DNAH10: variants seen among roughly 807,000 people sequenced by gnomAD.
DNAH10 encodes the protein dynein axonemal heavy chain 10.
DNAH10 carries 348 observed loss-of-function variants against 506.6 expected under a neutral mutation model. The observed-to-expected ratio is 0.69, with a 90% CI of 0.63 to 0.75. The LOEUF (loss-of-function observed/expected upper bound fraction) is 0.75, where lower values mean the gene tolerates loss of function less well. Among genes scored for constraint, DNAH10 ranks in the 30% least tolerant of loss-of-function variants. DNAH10 has a pLI of 0.00. For synonymous variants in DNAH10, 2,059 were observed against 2,198.6 expected, an observed-to-expected ratio of 0.94 and a Z score of 1.78; for missense variants, 5,179 against 5,787.1, an observed-to-expected ratio of 0.89 and a Z score of 3.41.
At chr12:123,878,508 A>G (rs1489234495) in intron 48 of DNAH10, among the ~76,000 whole-genome samples, 1 of 152,116 alleles carries the variant, frequency 6.6e-6, no homozygotes, top group Non-Finnish European at 1.5e-5. Context: ...CGGTCAGGAG[A>G]GGGCAGCTCC....
rs191384577 is a variant in DNAH10 at position 123,909,293 on chromosome 12, C to T, written c.9848C>T (p.Thr3283Met). 3,773 of 1,613,458 alleles carry T rather than the reference C, an allele frequency of 2.3e-3. 6 individuals carry two copies. Among genetic ancestry groups the T allele is most frequent in the Admixed American group, 3.0e-3 (178 of 59,968 alleles). The change falls in exon 58 of 79, where the codon ACG (threonine) becomes ATG (methionine). Residue 3283 changes from threonine to methionine, a missense_variant. Physicochemically the swap from Thr to Met is moderately conservative, Grantham distance 81 (BLOSUM62 -1). Around this residue, in one of 3 missense-constraint regions of DNAH10, gnomAD observed 4,844 missense variants for 5,430.5 expected, o/e 0.89. Transcript: ENST00000673944. The surrounding 1 kb of genome is among the most constrained non-coding windows in gnomAD (Gnocchi z 5.4). ...GCTAAGCCCCCGAAGCAGGTGCAGA[C>T]GGTCTGCGAATGCATCCTCATCATG... ...SFAKPPKQVQ[T>M]VCECILIMKG...
intron 21 of DNAH10, 148 bp downstream of exon 21, chr12:123,814,060 C>T (rs991476326): frequency 1.4e-6 from 1 of 690,902 alleles, no homozygotes; most frequent in South Asian, 2.5e-5. Flanking sequence ...AGCAATGCCA[C>T]TGTTATTTAG....
Position 123,919,688 on chromosome 12 carries a change from C to T in DNAH10, c.11506+739C>T, listed in dbSNP as rs1954642901. Among the ~76,000 whole-genome samples the T allele has an allele frequency of 6.6e-6, 1 of 152,202 alleles. No homozygotes were observed. ...TCTGTAAGGATTTACTTGCTCTGAA[C>T]ACTTCATGTCAATGGCATCATACGG... On this transcript the variant is annotated intron_variant, in intron 65 of 78. Transcript: ENST00000673944. The surrounding 1 kb of genome is among the most constrained non-coding windows in gnomAD (Gnocchi z 4.9).
At chr12:123,906,957 G>A (rs944167241) in intron 57 of DNAH10, among the ~76,000 whole-genome samples, 2 of 152,194 alleles carry the variant, frequency 1.3e-5, no homozygotes, top group Non-Finnish European at 2.9e-5. Context: ...GCCTCCCTTT[G>A]TTGCTGGCTC....
In DNAH10 at chr12:123,789,945, A is replaced by G. The variant is rs750212326; in HGVS notation, c.1639A>G (p.Asn547Asp). The G allele has an allele frequency of 5.6e-6, 9 of 1,611,948 alleles. No homozygotes were observed. The South Asian group carries it at 7.7e-5, about 14-fold the overall frequency. The change falls in exon 11 of 79, where the codon AAC becomes GAC. Residue 547 changes from asparagine to aspartate, a missense_variant. By Grantham distance (23) the Asn-to-Asp change is conservative. Transcript: ENST00000673944. ...TGGACAGATTTTGGAGGAATTTTATAACATATTTGGTCCAGAACTAAAGGC... is the reference window on the plus strand; with the variant it reads ...TGGACAGATTTTGGAGGAATTTTATGACATATTTGGTCCAGAACTAAAGGC... ...DVLQILEEFY[N>D]IFGPELKAVT...
intron 47 of DNAH10, among the ~76,000 whole-genome samples, chr12:123,875,958 G>A (rs1952238581): frequency 6.6e-6 from 1 of 152,198 alleles, no homozygotes; most frequent in African/African-American, 2.4e-5. Flanking sequence ...CGTGTAAAGG[G>A]TGCCTAGTGC....
intron 44 of DNAH10, among the ~76,000 whole-genome samples, chr12:123,871,165 A>C (rs1449487979): frequency 6.6e-6 from 1 of 152,216 alleles, no homozygotes; most frequent in African/African-American, 2.4e-5. Flanking sequence ...GGTCTGAGTG[A>C]TGTCAGCAAC....
At chr12:123,825,619 G>T (rs1165426271) in intron 24 of DNAH10, among the ~76,000 whole-genome samples, 3 of 152,186 alleles carry the variant, frequency 2.0e-5, no homozygotes, top group Admixed American at 6.5e-5. Flanking sequence ...GCAGTACACA[G>T]ATCTGTGGTT....
rs1263741046 is a variant in DNAH10, at chr12:123,902,145, A to G, written c.9641-794A>G. 6.6e-6 allele frequency among the ~76,000 whole-genome samples: 1 copy of G among 152,080 alleles called. No individual in the cohort carries two copies. Among genetic ancestry groups the G allele is most frequent in the Non-Finnish European group, 1.5e-5 (1 of 68,026 alleles). On this transcript the variant is annotated intron_variant, in intron 56 of 78. Coordinates refer to ENST00000673944, the MANE Select transcript of DNAH10 (RefSeq NM_001372106.1). This position sits in a 1 kb window ranked among gnomAD's most constrained non-coding sequence, Gnocchi z 4.5. Reference sequence around the variant, plus strand: ...CTCCAGCGTCTGTCTCCATTGCCACACGCCCCTCTTCCCTGTGTGTCTGCA... The same window carrying G: ...CTCCAGCGTCTGTCTCCATTGCCACGCGCCCCTCTTCCCTGTGTGTCTGCA...
Position 123,914,490 on chromosome 12 carries a change from TC to T in DNAH10, c.10519del (p.Leu3507Ter). ...IWQNDILEREIPLSQPFRLES... is the reference protein window; with the variant it reads ...IWQNDILEREXPLSQPFRLES... ...CAAAATGACATCCTGGAGCGGGAGA[TC>T]CCCCTGAGCCAGCCTTTCCGGCTGG... On this transcript the variant is annotated frameshift_variant, in exon 61 of 79. Transcript: ENST00000673944. LOFTEE classifies it high-confidence loss of function. 1.2e-6 allele frequency: 2 copies of T among 1,613,114 alleles called. No homozygotes were observed. Among genetic ancestry groups the T allele is most frequent in the Non-Finnish European group, 1.7e-6 (2 of 1,179,756 alleles).
intron 39 of DNAH10, among the ~76,000 whole-genome samples, chr12:123,863,761 G>T (rs1951694691): frequency 6.6e-6 from 1 of 152,188 alleles, no homozygotes; most frequent in Non-Finnish European, 1.5e-5. Flanking sequence ...TCCAAACAAG[G>T]TCACAGTCAC....
intron 34 of DNAH10, among the ~76,000 whole-genome samples, chr12:123,849,637 C>T (rs925487238): frequency 6.6e-6 from 1 of 152,204 alleles, no homozygotes; most frequent in African/African-American, 2.4e-5. Flanking sequence ...ACTTGCTCCA[C>T]AGTCATACCA....
chr12:123,809,824 G>A (rs764424833), intron 19 of DNAH10, among the ~76,000 whole-genome samples: 10 of 152,084 alleles, frequency 6.6e-5, no homozygotes, highest in African/African-American at 1.9e-4. Flanking sequence ...TCAGTCCTAC[G>A]AGGATCATGC....
intron 21 of DNAH10, among the ~76,000 whole-genome samples, chr12:123,816,196 A>AAGAG (rs1411240655): frequency 1.3e-5 from 2 of 152,318 alleles, no homozygotes; most frequent in African/African-American, 4.8e-5. Flanking sequence ...CTGGAGTGAC[A>AAGAG]AGAGTGTCTT....
At chr12:123,890,346 T>C (rs1040890450) in intron 52 of DNAH10, among the ~76,000 whole-genome samples, 3 of 152,078 alleles carry the variant, frequency 2.0e-5, no homozygotes, top group Non-Finnish European at 2.9e-5. Context: ...TCATAGCTCA[T>C]TGTAGCTTCC....
chr12:123,781,081 T>G lies in DNAH10; in HGVS notation c.623T>G (p.Val208Gly). 1 of 1,588,858 alleles carries G rather than the reference T, an allele frequency of 6.3e-7. No individual in the cohort carries two copies. Among genetic ancestry groups the G allele is most frequent in the Non-Finnish European group, 8.5e-7 (1 of 1,170,508 alleles). The change falls in exon 6 of 79, where the codon GTT (valine) becomes GGT (glycine). Residue 208 changes from valine (V) to glycine (G), a missense_variant and splice_region_variant. By Grantham distance (109) the Val-to-Gly change is moderately radical. Coordinates refer to ENST00000673944, the MANE Select transcript of DNAH10 (RefSeq NM_001372106.1). The part of the protein sequence containing the change: ...LHFLKNIICQ[V>G]FLPALSFNQH... ...TATTTCATAAAATTGGCATTTCAGG[T>G]TTTTTTGCCAGCATTGTCCTTCAAT...
intron 28 of DNAH10, among the ~76,000 whole-genome samples, chr12:123,837,733 C>G (rs544146144): frequency 4.7e-5 from 7 of 149,706 alleles, no homozygotes; most frequent in African/African-American, 1.7e-4. Flanking sequence ...CACCACCACA[C>G]CCGGCTAACT....
intron 56 of DNAH10, among the ~76,000 whole-genome samples, chr12:123,900,343 T>C (rs1434812260): frequency 2.6e-5 from 4 of 152,164 alleles, no homozygotes; most frequent in African/African-American, 9.7e-5. Flanking sequence ...ATCTGTCCAG[T>C]CAGCAGATAC....
intron 56 of DNAH10, among the ~76,000 whole-genome samples, chr12:123,900,693 T>C (rs538903274): frequency 5.4e-4 from 82 of 152,320 alleles, no homozygotes; most frequent in African/African-American, 1.8e-3. Flanking sequence ...AACGCATTGA[T>C]TCCAGAGGCA....
Sources: allele counts gnomAD v4.1 joint callset (sites outside exome capture counted in the v4.1 genomes callset), GRCh38; gene constraint gnomAD v4.1.1; regional missense constraint gnomAD v4.1.1; non-coding constraint Gnocchi (gnomAD v3.1); transcripts MANE v1.5; gene names NCBI Gene and HGNC (gene_info 2026-07-23, HGNC 2026-07-21).